The following COL28A1 variants were observed in gnomAD, a reference collection of about 807,000 sequenced individuals.
COL28A1 encodes the protein collagen type XXVIII alpha 1 chain, also known as collagen alpha-1(XXVIII) chain.
COL28A1 carries 161 observed loss-of-function variants against 150.2 expected under a neutral mutation model. The observed-to-expected ratio is 1.07, with a 90% CI of 0.94 to 1.22. The LOEUF (loss-of-function observed/expected upper bound fraction) is 1.22. COL28A1 is among the 50% of genes most tolerant of loss of function. The pLI is 0.00. For synonymous variants in COL28A1, 552 were observed against 469.7 expected (o/e 1.18, Z -2.26); for missense variants, 1,617 against 1,388.3 (o/e 1.16, Z -2.62).
rs776326910 is a variant in COL28A1 at position 7,531,452 on chromosome 7, C to T, written c.577G>A (p.Val193Ile). 4 of 1,594,876 alleles carry T rather than the reference C, an allele frequency of 2.5e-6. No individual in the cohort carries two copies. Among genetic ancestry groups the T allele is most frequent in the East Asian group, 2.2e-5 (1 of 44,772 alleles). Residue 193 changes from valine (V) to isoleucine (I), a missense_variant, in exon 3 of 35, where the codon GTA becomes ATA. Transcript: ENST00000399429. Reference protein sequence around the residue: ...ISFITIALSTVVNEAKLRLIS... With the variant: ...ISFITIALSTIVNEAKLRLIS... ...AAACGAAGTTTGGCTTCATTGACTA[C>T]CGTAGAAAGTGCAATGGTGATAAAT... is the stretch of plus-strand genomic sequence containing the variant.
At chr7:7,372,899 A>T in intron 32 of COL28A1, 99 bp downstream of exon 32, 1 of 934,850 alleles carries the variant, frequency 1.1e-6, no homozygotes, top group Non-Finnish European at 1.6e-6. Context: ...AAGCCTTATT[A>T]GCCTCCAGAT....
At chr7:7,444,908 A>AT (rs2128323754) in intron 18 of COL28A1, among the ~76,000 whole-genome samples, 1 of 152,146 alleles carries the variant, frequency 6.6e-6, no homozygotes, top group East Asian at 1.9e-4. Context: ...GTAGGAGGTG[A>AT]TTGAGTTATG....
intron 1 of COL28A1, among the ~76,000 whole-genome samples, chr7:7,535,376 G>C (rs749901045): frequency 6.6e-6 from 1 of 152,010 alleles, no homozygotes; most frequent in Non-Finnish European, 1.5e-5. Flanking sequence ...TACACAAATA[G>C]AAAATGATTG....
At chr7:7,367,247 C>T (rs574023194) in intron 33 of COL28A1, among the ~76,000 whole-genome samples, 1 of 152,296 alleles carries the variant, frequency 6.6e-6, no homozygotes, top group South Asian at 2.1e-4. Flanking sequence ...TGTGTGAGTA[C>T]ACTCTATGAT....
At chr7:7,457,871 T>C (rs1004441063) in intron 15 of COL28A1, among the ~76,000 whole-genome samples, 1 of 152,198 alleles carries the variant, frequency 6.6e-6, no homozygotes, top group African/African-American at 2.4e-5. Context: ...CTCATTTTAA[T>C]GGCAGTTGTA....
intron 15 of COL28A1, among the ~76,000 whole-genome samples, chr7:7,463,435 C>A (rs1787803467): frequency 6.6e-6 from 1 of 151,982 alleles, no homozygotes. Flanking sequence ...GTATAGGTAA[C>A]CTATAAAGGA....
intron 15 of COL28A1, among the ~76,000 whole-genome samples, chr7:7,460,026 T>C (rs183192728): frequency 4.6e-5 from 7 of 152,350 alleles, no homozygotes; most frequent in East Asian, 3.9e-4. Context: ...CTAGATGAGA[T>C]TCATTAAATA....
At chr7:7,520,445 G>C (rs555744428) in intron 5 of COL28A1, among the ~76,000 whole-genome samples, 5 of 152,216 alleles carry the variant, frequency 3.3e-5, no homozygotes, top group African/African-American at 1.2e-4. Context: ...CAGGCAGAAG[G>C]ATAGGAGTTG....
At chr7:7,365,324 C>T (rs1780879785) in intron 33 of COL28A1, among the ~76,000 whole-genome samples, 1 of 142,430 alleles carries the variant, frequency 7.0e-6, no homozygotes, top group South Asian at 2.3e-4. Flanking sequence ...GCCACACTGG[C>T]CTGCCTTGGA....
chr7:7,473,974 G>A (rs545669708), intron 15 of COL28A1, among the ~76,000 whole-genome samples: 3 of 147,490 alleles, frequency 2.0e-5, no homozygotes, highest in South Asian at 4.2e-4. Flanking sequence ...TATATAGTGT[G>A]TATATAGTGT....
chr7:7,351,199 G>T, the COL28A1 span, among the ~76,000 whole-genome samples: 8 of 152,124 alleles, frequency 5.3e-5, no homozygotes, highest in Non-Finnish European at 1.0e-4. Context: ...ATCCTTACAA[G>T]CCAGAGGGCA....
chr7:7,404,508 G>A (rs1783391488), intron 27 of COL28A1, among the ~76,000 whole-genome samples: 1 of 151,834 alleles, frequency 6.6e-6, no homozygotes. Flanking sequence ...TCTCTTCTTT[G>A]AACATGCCAG....
chr7:7,429,299 T>C (rs1037368907), intron 25 of COL28A1, among the ~76,000 whole-genome samples: 2 of 152,188 alleles, frequency 1.3e-5, no homozygotes, highest in African/African-American at 2.4e-5. Flanking sequence ...TCCGCTGCCA[T>C]GGACAATTTT....
intron 25 of COL28A1, 64 bp from the exon 26 acceptor site, chr7:7,420,017 A>G (rs531000695): frequency 2.9e-6 from 3 of 1,034,684 alleles, no homozygotes; most frequent in East Asian, 2.8e-5. Flanking sequence ...TTTTCAATAT[A>G]TATATTTTAA....
At chr7:7,529,411 A>G (rs1447296530) in intron 3 of COL28A1, among the ~76,000 whole-genome samples, 1 of 152,164 alleles carries the variant, frequency 6.6e-6, no homozygotes, top group Non-Finnish European at 1.5e-5. Context: ...AAGTGTTTGG[A>G]AAGCAGCACC....
intron 14 of COL28A1, among the ~76,000 whole-genome samples, chr7:7,476,169 A>G (rs961574675): frequency 3.3e-5 from 5 of 152,180 alleles, no homozygotes; most frequent in Admixed American, 6.5e-5. Context: ...AGAAAGCAGC[A>G]TGTACTTCTC....
intron 25 of COL28A1, among the ~76,000 whole-genome samples, chr7:7,421,531 TA>T (rs151206921): frequency 0.021 from 3,242 of 152,280 alleles, 111 homozygotes; most frequent in African/African-American, 0.073. Context: ...CCAAGACCTT[TA>T]GCCTTAGGTC....
intron 32 of COL28A1, among the ~76,000 whole-genome samples, chr7:7,372,478 T>C (rs896071774): frequency 6.6e-6 from 1 of 152,264 alleles, no homozygotes. Context: ...GATATCAACC[T>C]GTTTATTCAT....
chr7:7,364,635 T>C (rs980998141), intron 33 of COL28A1, among the ~76,000 whole-genome samples: 1 of 152,212 alleles, frequency 6.6e-6, no homozygotes, highest in African/African-American at 2.4e-5. Flanking sequence ...TAATAACTTC[T>C]GTGTGCTTTT....
Sources: allele counts gnomAD v4.1 joint callset (sites outside exome capture counted in the v4.1 genomes callset), GRCh38; gene constraint gnomAD v4.1.1; transcripts MANE v1.5; gene names NCBI Gene and HGNC (gene_info 2026-07-23, HGNC 2026-07-21).